The following ZSCAN2 variants were observed in gnomAD, a reference collection of about 807,000 sequenced individuals.
ZSCAN2 encodes the protein zinc finger and SCAN domain-containing protein 2.
ZSCAN2 carries 26 observed loss-of-function variants against 47.8 expected under a neutral mutation model. The observed-to-expected ratio is 0.54, with a 90% CI of 0.40 to 0.75. The LOEUF (loss-of-function observed/expected upper bound fraction) is 0.75, where lower values mean the gene tolerates loss of function less well. ZSCAN2 is among the 30% of genes least tolerant of loss of function. ZSCAN2 has a pLI of 0.00. For synonymous variants in ZSCAN2, 305 were observed against 288.7 expected, an observed-to-expected ratio of 1.06 and a Z score of -0.57; for missense variants, 732 against 785.4, an observed-to-expected ratio of 0.93 and a Z score of 0.81.
Position 84,604,036 on chromosome 15 carries a change from G to T in ZSCAN2, c.109G>T (p.Asp37Tyr). ...EEEVTTMILEDDSWVQEAVLQ... is the reference protein window; with the variant it reads ...EEEVTTMILEYDSWVQEAVLQ... Reference sequence around the variant, plus strand: ...GGAGGTCACCACCATGATCCTGGAGGATGACTCCTGGGTGCAAGAAGCTGT... The same window carrying T: ...GGAGGTCACCACCATGATCCTGGAGTATGACTCCTGGGTGCAAGAAGCTGT... Residue 37 changes from aspartate to tyrosine, a missense_variant, in exon 2 of 3, where the codon GAT becomes TAT. Around this residue, in one of 2 missense-constraint regions of ZSCAN2, gnomAD observed 320 missense variants for 287.4 expected, o/e 1.11. Transcript: ENST00000546148. 1 of 1,614,144 alleles carries T rather than the reference G, an allele frequency of 6.2e-7. No homozygotes were observed. Among genetic ancestry groups the T allele is most frequent in the Non-Finnish European group, 8.5e-7 (1 of 1,180,024 alleles).
chr15:84,621,912 C>T lies in ZSCAN2; in HGVS notation c.1717C>T (p.Leu573Phe), dbSNP rs764810154. ...GAAAGGCTTTAGCTGGAACTCAGTCCTCATTATACATCAGCGAATCCACAC... is the reference window on the plus strand; with the variant it reads ...GAAAGGCTTTAGCTGGAACTCAGTCTTCATTATACATCAGCGAATCCACAC... ...CGKGFSWNSV[L>F]IIHQRIHTGE... is the part of the protein sequence containing the mutation. Residue 573 changes from leucine to phenylalanine, a missense_variant, in exon 3 of 3, where the codon CTC (leucine) becomes TTC (phenylalanine). This residue lies in a region of ZSCAN2 where 412 missense variants were observed against 498.0 expected (regional missense o/e 0.83). Coordinates refer to ENST00000546148, the MANE Select transcript of ZSCAN2 (RefSeq NM_181877.4). This position sits in a 1 kb window ranked among gnomAD's most constrained non-coding sequence, Gnocchi z 5.7. 4 of 1,614,178 alleles carry T rather than the reference C, an allele frequency of 2.5e-6. No homozygotes were observed. Among genetic ancestry groups the T allele is most frequent in the Non-Finnish European group, 3.4e-6 (4 of 1,180,028 alleles).
At chr15:84,613,043 T>C (rs1408852791) in intron 2 of ZSCAN2, among the ~76,000 whole-genome samples, 2 of 152,244 alleles carry the variant, frequency 1.3e-5, no homozygotes, top group Non-Finnish European at 2.9e-5. Context: ...TTTTTCCATT[T>C]GAATTGAATT....
At chr15:84,620,547 T>C in intron 2 of ZSCAN2, 55 bp from the exon 3 acceptor site, 1 of 1,448,202 alleles carries the variant, frequency 6.9e-7, no homozygotes, top group Non-Finnish European at 9.4e-7. Context: ...CGTTTTCTTT[T>C]GTCATCATGA....
intron 1 of ZSCAN2, among the ~76,000 whole-genome samples, chr15:84,602,933 T>C (rs767753521): frequency 4.6e-5 from 7 of 152,238 alleles, no homozygotes; most frequent in Non-Finnish European, 7.3e-5. Flanking sequence ...CATAGTTTAT[T>C]AGCCATTCCC....
chr15:84,608,530 C>CAAA (rs1181525313), intron 2 of ZSCAN2, among the ~76,000 whole-genome samples: 12 of 92,622 alleles, frequency 1.3e-4, no homozygotes, highest in East Asian at 6.1e-4. Flanking sequence ...GACTCTGTCT[C>CAAA]AAAAAAAAAA....
At chr15:84,613,616 A>G (rs1156607564) in intron 2 of ZSCAN2, among the ~76,000 whole-genome samples, 1 of 151,284 alleles carries the variant, frequency 6.6e-6, no homozygotes, top group Admixed American at 6.6e-5. Flanking sequence ...CCGAGATTTC[A>G]TAATGTTTTA....
rs1461986654 is a variant in ZSCAN2 at position 84,622,772 on chromosome 15, C to CTT, written c.*735_*736dup. 1.4e-6 allele frequency: 1 copy of CTT among 691,822 alleles called. No homozygotes were observed. Among genetic ancestry groups the CTT allele is most frequent in the Non-Finnish European group, 2.7e-6 (1 of 374,304 alleles). 42.9% of individuals were successfully genotyped at this position (691,822 alleles called of 1,614,324 possible). ...TAAACCGAGGACATTTCAGTGCTTG[C>CTT]TTTTGTCTCTGCCTACTGTCCTGTG... On this transcript the variant is annotated 3_prime_UTR_variant, in exon 3 of 3. Transcript: ENST00000546148.
intron 2 of ZSCAN2, chr15:84,606,958 C>G (rs1895401746): frequency 2.6e-6 from 2 of 767,682 alleles, no homozygotes; most frequent in African/African-American, 3.8e-5. Flanking sequence ...CGCGTGACCT[C>G]TATTCTGTTT....
At chr15:84,615,831 C>G (rs925370609) in intron 2 of ZSCAN2, among the ~76,000 whole-genome samples, 12 of 152,064 alleles carry the variant, frequency 7.9e-5, no homozygotes, top group Admixed American at 2.0e-4. Context: ...TACATTTAAT[C>G]TCTTCCTGTT....
chr15:84,623,127 A>G lies in ZSCAN2; in HGVS notation c.*1087A>G, dbSNP rs929779604. The G allele has an allele frequency of 7.6e-5, 12 of 158,502 alleles. No individual in the cohort carries two copies. The highest frequency in any genetic ancestry group is 1.4e-4 in the Non-Finnish European group (10 of 69,502). The allele number at this position is 158,502 out of a possible 1,614,324, so 9.8% of individuals were successfully genotyped here. A position where few individuals can be genotyped will look rare whatever the true frequency, so the allele number is the denominator to read the frequency against. On this transcript the variant is annotated 3_prime_UTR_variant, in exon 3 of 3. Coordinates refer to ENST00000546148, the MANE Select transcript of ZSCAN2 (RefSeq NM_181877.4). Reference sequence around the variant, plus strand: ...TTTTGAGACGGAGTCTCACTCTGTCACCCAGGCTGGAGTGCAGTGGTGCCA... The same window carrying G: ...TTTTGAGACGGAGTCTCACTCTGTCGCCCAGGCTGGAGTGCAGTGGTGCCA...
intron 1 of ZSCAN2, among the ~76,000 whole-genome samples, chr15:84,602,652 G>T (rs919774804): frequency 7.1e-6 from 1 of 141,416 alleles, no homozygotes; most frequent in Non-Finnish European, 1.5e-5. Context: ...GCAGTGGCAC[G>T]ATCTCGGCTC....
rs994527670 is a variant in ZSCAN2, at chr15:84,622,247, G to A, written c.*207G>A. ...ATACATTCAAGAACAGGGCATAGGC[G>A]TGGAAGGTCTGGAAAGTTGGGTCTT... On this transcript the variant is annotated 3_prime_UTR_variant, in exon 3 of 3. Coordinates refer to ENST00000546148, the MANE Select transcript of ZSCAN2 (RefSeq NM_181877.4). 3.5e-5 allele frequency: 21 copies of A among 593,110 alleles called. No individual in the cohort carries two copies. The highest frequency in any genetic ancestry group is 6.6e-5 in the Admixed American group (2 of 30,402). 36.7% of individuals were successfully genotyped at this position (593,110 alleles called of 1,614,324 possible).
At position 84,622,359 on chromosome 15, in the gene ZSCAN2, T is replaced by C. The variant is rs528648357; in HGVS notation, c.*319T>C. ...CTCTTTGGTAAAATGGGGGGAAATG[T>C]TTCTCCATGTGGAATGGAAGACAGC... On this transcript the variant is annotated 3_prime_UTR_variant, in exon 3 of 3. Transcript: ENST00000546148. The C allele has an allele frequency of 1.7e-6, 1 of 576,332 alleles. No individual in the cohort carries two copies. Among genetic ancestry groups the C allele is most frequent in the Non-Finnish European group, 3.1e-6 (1 of 319,188 alleles). The allele number at this position is 576,332 out of a possible 1,614,324, so 35.7% of individuals were successfully genotyped here.
In ZSCAN2 at chr15:84,603,882, CTG is replaced by C; in HGVS notation, c.-45_-44del. On this transcript the variant is annotated 5_prime_UTR_variant, in exon 2 of 3. Transcript: ENST00000546148. ...TACCTGAGAGCCTGGCTGGAGAAGA[CTG>C]AGGTCCAAGGCTTGAAGCCTAAGTG... The C allele has an allele frequency of 6.4e-7, 1 of 1,571,446 alleles. No individual in the cohort carries two copies. Among genetic ancestry groups the C allele is most frequent in the East Asian group, 2.3e-5 (1 of 44,372 alleles).
rs770740997 is a variant in ZSCAN2, at chr15:84,621,980, C to T, written c.1785C>T (p.Phe595=). 10 of 1,614,100 alleles carry T rather than the reference C, an allele frequency of 6.2e-6. No individual in the cohort carries two copies. The highest frequency in any genetic ancestry group is 1.7e-5 in the Admixed American group (1 of 60,014). Residue 595 remains phenylalanine (F), a synonymous_variant, in exon 3 of 3, where the codon TTC becomes TTT. Transcript: ENST00000546148. This position sits in a 1 kb window ranked among gnomAD's most constrained non-coding sequence, Gnocchi z 5.7. ...AATGCCCCGAGTGTGGCAAAGGCTTCAGCAACAGCTCTAACTTTATCACAC... is the reference window on the plus strand; with the variant it reads ...AATGCCCCGAGTGTGGCAAAGGCTTTAGCAACAGCTCTAACTTTATCACAC... ...PYKCPECGKG[F]SNSSNFITHQ...
At position 84,604,237 on chromosome 15, in the gene ZSCAN2, A is replaced by G; in HGVS notation, c.310A>G (p.Lys104Glu). The G allele has an allele frequency of 6.2e-7, 1 of 1,614,124 alleles. No individual in the cohort carries two copies. The highest frequency in any genetic ancestry group is 1.1e-5 in the South Asian group (1 of 91,088). The change falls in exon 2 of 3, where the codon AAG (lysine) becomes GAG (glutamate). Residue 104 changes from lysine (K) to glutamate (E), a missense_variant. Physicochemically the swap from Lys to Glu is moderately conservative, Grantham distance 56 (BLOSUM62 1). Around this residue, in one of 2 missense-constraint regions of ZSCAN2, gnomAD observed 320 missense variants for 287.4 expected, o/e 1.11. Transcript: ENST00000546148. ...TKEQMLTMLP[K>E]EIQAWLQEHR... Reference sequence around the variant, plus strand: ...GGAGCAGATGTTAACCATGCTGCCAAAGGAAATTCAGGCTTGGCTGCAAGA... The same window carrying G: ...GGAGCAGATGTTAACCATGCTGCCAGAGGAAATTCAGGCTTGGCTGCAAGA...
At chr15:84,602,932 TTAGC>T (rs2141754282) in intron 1 of ZSCAN2, among the ~76,000 whole-genome samples, 1 of 152,162 alleles carries the variant, frequency 6.6e-6, no homozygotes, top group African/African-American at 2.4e-5. Context: ...TCATAGTTTA[TTAGC>T]CATTCCCTGC....
chr15:84,606,724 A>C (rs1895393219), intron 2 of ZSCAN2: 1 of 1,424,092 alleles, frequency 7.0e-7, no homozygotes, highest in African/African-American at 1.5e-5. Context: ...CTTCCCATCC[A>C]CCTTGCAGCA....
rs1349870375 is a variant in ZSCAN2, at chr15:84,621,197, C to T, written c.1002C>T (p.Tyr334=). The T allele has an allele frequency of 1.9e-6, 3 of 1,614,188 alleles. No individual in the cohort carries two copies. Among genetic ancestry groups the T allele is most frequent in the Non-Finnish European group, 2.5e-6 (3 of 1,180,042 alleles). Residue 334 remains tyrosine (Y), a synonymous_variant, in exon 3 of 3, where the codon TAC becomes TAT. Coordinates refer to ENST00000546148, the MANE Select transcript of ZSCAN2 (RefSeq NM_181877.4). The surrounding 1 kb of genome is among the most constrained non-coding windows in gnomAD (Gnocchi z 5.7). ...HQRTHTGEKP[Y]SCPECGKSFG... is the part of the protein sequence containing the mutation. ...GCACCCACACAGGAGAGAAACCCTA[C>T]TCGTGCCCCGAGTGTGGAAAGAGCT...
Sources: gnomAD v4.1 joint callset for allele counts (sites outside exome capture counted in the v4.1 genomes callset) on GRCh38, gnomAD v4.1.1 for gene constraint, gnomAD v4.1.1 regional missense constraint, Gnocchi (gnomAD v3.1) non-coding constraint, MANE v1.5 for transcripts, NCBI Gene and HGNC (gene_info 2026-07-23, HGNC 2026-07-21) for gene names.